KAZN: variants seen among roughly 807,000 people sequenced by gnomAD.
The protein encoded by KAZN is kazrin, periplakin interacting protein.
A neutral mutation model predicts 87.4 loss-of-function variants in KAZN; 40 were observed. The observed-to-expected ratio is 0.46, with a 90% CI of 0.36 to 0.60. KAZN has a LOEUF of 0.60. Ranked by LOEUF, KAZN falls within the 20% of genes least tolerant of loss-of-function variation. The pLI is 0.00. For synonymous variants in KAZN, 466 were observed against 458.3 expected, an observed-to-expected ratio of 1.02 and a Z score of -0.22; for missense variants, 898 against 1,073.9, an observed-to-expected ratio of 0.84 and a Z score of 2.29.
chr1:14,920,372 C>T (rs1658370384), intron 1 of KAZN, among the ~76,000 whole-genome samples: 1 of 149,666 alleles, frequency 6.7e-6, no homozygotes, highest in Admixed American at 6.7e-5. Flanking sequence ...CCAGAGCAGC[C>T]TCCCCACCCC....
At chr1:14,127,609 G>A (rs1012551670) in intron 1 of KAZN, among the ~76,000 whole-genome samples, 17 of 152,026 alleles carry the variant, frequency 1.1e-4, no homozygotes, top group Admixed American at 2.0e-4. Flanking sequence ...ACCTTCCCCC[G>A]TCATCCTTGA....
At chr1:14,965,520 A>G (rs1247982278) in intron 2 of KAZN, among the ~76,000 whole-genome samples, 2 of 152,240 alleles carry the variant, frequency 1.3e-5, no homozygotes, top group African/African-American at 4.8e-5. Flanking sequence ...TCTTAACAGC[A>G]TGTCAGGTGT....
chr1:14,024,172 G>T (rs1426995871), intron 1 of KAZN, among the ~76,000 whole-genome samples: 1 of 152,178 alleles, frequency 6.6e-6, no homozygotes, highest in Non-Finnish European at 1.5e-5. Flanking sequence ...GAAAAAGTTC[G>T]ATGCAGAAAG....
intron 2 of KAZN, among the ~76,000 whole-genome samples, chr1:14,413,409 T>C (rs962953960): frequency 1.3e-5 from 2 of 151,394 alleles, no homozygotes; most frequent in East Asian, 1.9e-4. Flanking sequence ...GCTAACACAG[T>C]GAAACCCCCT....
At chr1:14,408,593 T>C (rs866587) in intron 2 of KAZN, among the ~76,000 whole-genome samples, 64,721 of 152,022 alleles carry the variant, frequency 0.43, 14,273 homozygotes, top group South Asian at 0.62. Flanking sequence ...TGTGTCCTCA[T>C]ACAACAAAGA....
chr1:14,776,348 GGTGGGCATACCTCAT>G (rs1408970085), intron 1 of KAZN, among the ~76,000 whole-genome samples: 1 of 152,156 alleles, frequency 6.6e-6, no homozygotes, highest in Non-Finnish European at 1.5e-5. Flanking sequence ...TAGTAACGCA[GGTGGGCATACCTCAT>G]GCTTCCCTGT....
rs868526642 is a variant in KAZN at position 14,600,686 on chromosome 1, A to T, written c.226+1463A>T. 6.2e-3 allele frequency among the ~76,000 whole-genome samples: 905 copies of T among 145,308 alleles called. 12 individuals are homozygous for T. Among genetic ancestry groups the T allele is most frequent in the African/African-American group, 0.021 (843 of 40,224 alleles). ...CTGTGCAAAAAAAAAAAAAAAAAAA[A>T]AAGACAGACTGCAAGGTAATGCTTC... is the stretch of plus-strand genomic sequence containing the variant. On this transcript the variant is annotated intron_variant, in intron 1 of 14. Transcript: ENST00000376030.
chr1:13,951,021 A>G (rs915557669), intron 1 of KAZN, among the ~76,000 whole-genome samples: 3 of 152,224 alleles, frequency 2.0e-5, no homozygotes, highest in African/African-American at 7.2e-5. Flanking sequence ...CCTGGAGTCC[A>G]TGGGATTCCT....
chr1:14,766,921 AC>A, intron 1 of KAZN, among the ~76,000 whole-genome samples: 1 of 152,154 alleles, frequency 6.6e-6, no homozygotes. Context: ...TATTGGAGCT[AC>A]AACAGAGAAA....
At chr1:14,083,832 G>A (rs1255559476) in intron 1 of KAZN, among the ~76,000 whole-genome samples, 5 of 152,174 alleles carry the variant, frequency 3.3e-5, no homozygotes, top group Non-Finnish European at 7.3e-5. Flanking sequence ...TTGTCCCTCT[G>A]ATTACTTTAT....
At chr1:14,541,943 G>A (rs901291917) in intron 2 of KAZN, among the ~76,000 whole-genome samples, 60 of 152,128 alleles carry the variant, frequency 3.9e-4, no homozygotes, top group African/African-American at 1.4e-3. Context: ...CCCACAAATC[G>A]GACTTCAGGG....
At chr1:14,754,208 C>G (rs1644493493) in intron 1 of KAZN, among the ~76,000 whole-genome samples, 1 of 152,064 alleles carries the variant, frequency 6.6e-6, no homozygotes, top group Non-Finnish European at 1.5e-5. Flanking sequence ...GGCTTTCTGC[C>G]CAGGGTGCTT....
intron 2 of KAZN, among the ~76,000 whole-genome samples, chr1:14,274,456 G>A (rs116579383): frequency 9.2e-5 from 14 of 152,258 alleles, no homozygotes; most frequent in African/African-American, 3.4e-4. Flanking sequence ...GCAAAATGGT[G>A]GTCCTGATTC....
chr1:14,602,288 T>C (rs1181802842), intron 1 of KAZN, among the ~76,000 whole-genome samples: 1 of 152,220 alleles, frequency 6.6e-6, no homozygotes, highest in Non-Finnish European at 1.5e-5. Flanking sequence ...TTTCGGAATC[T>C]GTGTTGAAAG....
intron 2 of KAZN, among the ~76,000 whole-genome samples, chr1:14,419,033 G>GA: frequency 6.6e-6 from 1 of 152,118 alleles, no homozygotes; most frequent in Non-Finnish European, 1.5e-5. Context: ...TAAGCACATG[G>GA]AAAAATACAA....
At chr1:14,530,824 C>T (rs115094956) in intron 2 of KAZN, among the ~76,000 whole-genome samples, 1,678 of 152,268 alleles carry the variant, frequency 0.011, 9 homozygotes, top group South Asian at 0.023. Flanking sequence ...GTGGTTCATG[C>T]TTGTAATCCC....
chr1:15,097,173 C>T (rs1421368748), intron 10 of KAZN, among the ~76,000 whole-genome samples: 1 of 152,138 alleles, frequency 6.6e-6, no homozygotes, highest in Non-Finnish European at 1.5e-5. Flanking sequence ...ATCATGACCA[C>T]TTTAAGAATC....
intron 2 of KAZN, among the ~76,000 whole-genome samples, chr1:14,976,787 C>G (rs890882076): frequency 1.3e-5 from 2 of 152,204 alleles, no homozygotes; most frequent in African/African-American, 4.8e-5. Context: ...GGCGCGGTGG[C>G]TCACGCCTGT....
chr1:15,026,742 G>T (rs996728242), intron 2 of KAZN, among the ~76,000 whole-genome samples: 1 of 151,736 alleles, frequency 6.6e-6, no homozygotes, highest in Non-Finnish European at 1.5e-5. Context: ...AAAATGGATA[G>T]TTGTGCCTGT....
Sources: gnomAD v4.1 joint callset for allele counts (sites outside exome capture counted in the v4.1 genomes callset) on GRCh38, gnomAD v4.1.1 for gene constraint, MANE v1.5 for transcripts, NCBI Gene and HGNC (gene_info 2026-07-23, HGNC 2026-07-21) for gene names.